The following LRRC7 variants were observed in gnomAD, a reference collection of about 807,000 sequenced individuals.
The protein encoded by LRRC7 is leucine-rich repeat-containing protein 7.
In LRRC7, 23 loss-of-function variants were observed where a neutral mutation model predicts 175.7. That is an observed-to-expected ratio of 0.13 (90% CI 0.09 to 0.19). The LOEUF (loss-of-function observed/expected upper bound fraction) is 0.19, where lower values mean the gene tolerates loss of function less well. Among genes scored for constraint, LRRC7 ranks in the 10% least tolerant of loss-of-function variants. The pLI, the probability that LRRC7 is intolerant of heterozygous loss-of-function variation, is 1.00. For synonymous variants in LRRC7, 685 were observed against 680.9 expected, an observed-to-expected ratio of 1.01 and a Z score of -0.09; for missense variants, 1,354 against 1,904.7, an observed-to-expected ratio of 0.71 and a Z score of 5.38.
intron 7 of LRRC7, among the ~76,000 whole-genome samples, chr1:69,922,794 T>A (rs143544172): frequency 0.013 from 1,906 of 152,072 alleles, 37 homozygotes; most frequent in African/African-American, 0.043. Context: ...TTCTTTTTTT[T>A]AATTTTTTTA....
At position 70,042,994 on chromosome 1, in the gene LRRC7, A is replaced by AT. The variant is rs11300645; in HGVS notation, c.3970-949dup. Among the ~76,000 whole-genome samples, 57 of 148,630 alleles carry AT rather than the reference A, an allele frequency of 3.8e-4. No individual in the cohort carries two copies. The South Asian group carries it at 4.2e-3, about 11-fold the overall frequency. On this transcript the variant is annotated intron_variant, in intron 21 of 26. Transcript: ENST00000651989. ...AAAGTGTGCTAAGTTAACTTCTGTG[A>AT]TTTTTTTTTTTCCAAAATGAGAGAA... is the stretch of plus-strand genomic sequence containing the variant.
chr1:69,863,278 G>C (rs1356756102), intron 7 of LRRC7, among the ~76,000 whole-genome samples: 1 of 152,110 alleles, frequency 6.6e-6, no homozygotes, highest in African/African-American at 2.4e-5. Context: ...CCAATCTAAA[G>C]TAGCCATTCC....
chr1:69,672,049 T>G (rs1048434541), intron 1 of LRRC7, among the ~76,000 whole-genome samples: 3 of 152,218 alleles, frequency 2.0e-5, no homozygotes, highest in African/African-American at 7.2e-5. Context: ...AGGGCACATG[T>G]GCACAACATG....
intron 7 of LRRC7, 118 bp from the exon 8 acceptor site, chr1:69,931,389 A>G (rs1647357219): frequency 1.4e-6 from 1 of 705,440 alleles, no homozygotes; most frequent in Non-Finnish European, 2.5e-6. Context: ...GCTGAAGAGT[A>G]CCCCCAGTTT....
chr1:69,636,062 T>G (rs1451420861), intron 1 of LRRC7, among the ~76,000 whole-genome samples: 1 of 152,070 alleles, frequency 6.6e-6, no homozygotes, highest in Non-Finnish European at 1.5e-5. Context: ...ATTCATTGAA[T>G]GATTGAATAA....
At position 70,089,032 on chromosome 1, in the gene LRRC7, A is replaced by C. The variant is rs114267031; in HGVS notation, c.4453-695A>C. Among the ~76,000 whole-genome samples the C allele has an allele frequency of 6.4e-3, 973 of 152,168 alleles. 13 individuals carry two copies. The highest frequency in any genetic ancestry group is 0.022 in the African/African-American group (898 of 41,508). ...GTATTGGCCATTCTCTTTCCCTAGC[A>C]ATGTCTCCATATTGTTGACCTCTTT... On this transcript the variant is annotated intron_variant, in intron 24 of 26. Transcript: ENST00000651989.
intron 26 of LRRC7, among the ~76,000 whole-genome samples, chr1:70,115,067 G>C (rs1206896866): frequency 1.3e-5 from 2 of 152,104 alleles, no homozygotes; most frequent in Non-Finnish European, 2.9e-5. Context: ...AAAAGAAAAT[G>C]GTGTTTATTT....
chr1:69,647,228 G>T (rs978675957), intron 1 of LRRC7, among the ~76,000 whole-genome samples: 1 of 152,136 alleles, frequency 6.6e-6, no homozygotes, highest in African/African-American at 2.4e-5. Flanking sequence ...GCCAGCACTA[G>T]ATGTGTATAA....
chr1:69,975,698 T>C (rs1477187856), intron 8 of LRRC7, among the ~76,000 whole-genome samples: 1 of 152,192 alleles, frequency 6.6e-6, no homozygotes, highest in Non-Finnish European at 1.5e-5. Context: ...TCCTACTTCA[T>C]CAAGAAAATT....
chr1:69,898,038 C>T (rs546492686), intron 7 of LRRC7, among the ~76,000 whole-genome samples: 2 of 152,290 alleles, frequency 1.3e-5, no homozygotes, highest in South Asian at 2.1e-4. Flanking sequence ...GGAAAATTAA[C>T]TGAAGCCTTG....
At chr1:69,810,666 A>G (rs1175791007) in intron 4 of LRRC7, among the ~76,000 whole-genome samples, 1 of 152,190 alleles carries the variant, frequency 6.6e-6, no homozygotes, top group African/African-American at 2.4e-5. Context: ...AAAACAAGCA[A>G]TGGGGAAAGA....
chr1:69,699,279 C>T lies in LRRC7; in HGVS notation c.100+20801C>T, dbSNP rs140697232. Among the ~76,000 whole-genome samples the T allele has an allele frequency of 7.2e-3, 1,093 of 152,238 alleles. 18 individuals carry two copies. The highest frequency in any genetic ancestry group is 0.024 in the African/African-American group (1,017 of 41,572). ...AATCCCAACCGAGTGTGGTGGCTCA[C>T]GCCTGTAATCCCAGCACTTTGGGAG... On this transcript the variant is annotated intron_variant, in intron 2 of 26. Transcript: ENST00000651989.
intron 7 of LRRC7, among the ~76,000 whole-genome samples, chr1:69,853,415 A>G (rs544158098): frequency 1.0e-3 from 155 of 150,596 alleles, no homozygotes; most frequent in African/African-American, 3.7e-3. Context: ...AGTAGCTGGG[A>G]CTACAGGCAT....
rs572055336 is a variant in LRRC7 at position 70,051,263 on chromosome 1, T to A, written c.4111-1763T>A. On this transcript the variant is annotated intron_variant, in intron 22 of 26. Transcript: ENST00000651989. ...TTAAATTGTGGCCACTTCTTAAAAA[T>A]CTACATTGCACAGACCTGGCCAAAT... is the stretch of plus-strand genomic sequence containing the variant. 5.9e-5 allele frequency among the ~76,000 whole-genome samples: 9 copies of A among 152,116 alleles called. No homozygotes were observed. The South Asian group carries it at 1.9e-3, about 31-fold the overall frequency.
chr1:69,818,279 A>T (rs1032215028), intron 4 of LRRC7, among the ~76,000 whole-genome samples: 6 of 152,068 alleles, frequency 3.9e-5, no homozygotes, highest in African/African-American at 1.2e-4. Flanking sequence ...GTGTTGAAGT[A>T]CATTTCTTCT....
intron 1 of LRRC7, among the ~76,000 whole-genome samples, chr1:69,593,908 C>T (rs1013323169): frequency 4.7e-4 from 71 of 152,172 alleles, no homozygotes; most frequent in African/African-American, 1.7e-3. Context: ...GACCTTAACT[C>T]CCTTAACACA....
At chr1:69,730,073 C>A (rs1667402448) in intron 2 of LRRC7, among the ~76,000 whole-genome samples, 1 of 152,228 alleles carries the variant, frequency 6.6e-6, no homozygotes, top group Non-Finnish European at 1.5e-5. Context: ...AAGGCTAGAG[C>A]AGCTGGGGCA....
intron 5 of LRRC7, among the ~76,000 whole-genome samples, chr1:69,833,275 A>G (rs1172043187): frequency 6.6e-6 from 1 of 152,154 alleles, no homozygotes; most frequent in Non-Finnish European, 1.5e-5. Context: ...ACACAGTGTG[A>G]TTTGATTTAT....
intron 1 of LRRC7, among the ~76,000 whole-genome samples, chr1:69,595,368 C>T (rs190131971): frequency 2.0e-5 from 3 of 152,168 alleles, no homozygotes; most frequent in East Asian, 1.9e-4. Flanking sequence ...TGCAGTGAGC[C>T]GAGATCGTGC....
Sources: allele counts gnomAD v4.1 joint callset (sites outside exome capture counted in the v4.1 genomes callset), GRCh38; gene constraint gnomAD v4.1.1; transcripts MANE v1.5; gene names NCBI Gene and HGNC (gene_info 2026-07-23, HGNC 2026-07-21).